Variants in CFAP46 observed in about 807,000 individuals in gnomAD.
CFAP46 encodes the protein cilia and flagella associated protein 46, also known as cilia- and flagella-associated protein 46.
CFAP46 carries 245 observed loss-of-function variants against 325.7 expected under a neutral mutation model. The ratio of observed to expected loss-of-function variants is 0.75; its 90% CI spans 0.68 to 0.84. CFAP46 has a LOEUF of 0.84. Ranked by LOEUF, CFAP46 falls within the 40% of genes least tolerant of loss-of-function variation. CFAP46 has a pLI of 0.00. For missense variants in CFAP46, 3,346 were observed against 3,543.0 expected (o/e 0.94, Z 1.41); for synonymous variants, 1,523 against 1,495.9 (o/e 1.02, Z -0.42).
In CFAP46 at chr10:132,808,532, C is replaced by T. The variant is rs1247062868; in HGVS notation, c.8037G>A (p.Trp2679Ter). 8 of 1,612,972 alleles carry T rather than the reference C, an allele frequency of 5.0e-6. No individual in the cohort carries two copies. Among genetic ancestry groups the T allele is most frequent in the Non-Finnish European group, 6.8e-6 (8 of 1,180,000 alleles). ...CCTGGCCCCGGGAAGAGACGCAGCT[C>T]CAGCCCCGACGCAGACCCCATGGCG... is the stretch of plus-strand genomic sequence containing the variant. ...LCAPWGLRRGWSCVSSRGQDK... is the reference protein window; with the variant it reads ...LCAPWGLRRG Residue 2679 changes from tryptophan to a stop codon, truncating the protein, a stop_gained, in exon 58 of 58, where the codon TGG becomes TGA. Coordinates refer to ENST00000368586, the MANE Select transcript of CFAP46 (RefSeq NM_001200049.3). LOFTEE classifies it low-confidence loss of function (END_TRUNC). The surrounding 1 kb of genome is among the most constrained non-coding windows in gnomAD (Gnocchi z 6.8).
intron 22 of CFAP46, among the ~76,000 whole-genome samples, chr10:132,902,881 G>A (rs1182138038): frequency 6.6e-6 from 1 of 152,272 alleles, no homozygotes; most frequent in East Asian, 1.9e-4. Context: ...CCATTGCTAA[G>A]GTGTGTCTTT....
At chr10:132,842,645 T>C (rs1848364151) in intron 44 of CFAP46, among the ~76,000 whole-genome samples, 2 of 152,238 alleles carry the variant, frequency 1.3e-5, no homozygotes, top group South Asian at 4.1e-4. Context: ...CCATTTCCAG[T>C]TGTTTATAGC....
chr10:132,820,930 T>C (rs1315988368), intron 50 of CFAP46, among the ~76,000 whole-genome samples: 1 of 121,064 alleles, frequency 8.3e-6, no homozygotes, highest in Admixed American at 9.2e-5. Context: ...GTGTGCTGTG[T>C]GTGCGCTGAT....
At chr10:132,890,223 C>T (rs1849235724) in intron 25 of CFAP46, among the ~76,000 whole-genome samples, 1 of 152,198 alleles carries the variant, frequency 6.6e-6, no homozygotes, top group Non-Finnish European at 1.5e-5. Context: ...ACAAAACACC[C>T]TCCACAGCCT....
rs1328103748 is a variant in CFAP46 at position 132,827,766 on chromosome 10, A to G, written c.7117+5592T>C. Among the ~76,000 whole-genome samples the G allele has an allele frequency of 6.6e-6, 1 of 150,742 alleles. No individual in the cohort carries two copies. Among genetic ancestry groups the G allele is most frequent in the Non-Finnish European group, 1.5e-5 (1 of 67,670 alleles). ...CTCCTGCACCCACGACCCTCCCCCA[A>G]CTTCTCCTGCAGCCCCAGCCCCCAC... On this transcript the variant is annotated intron_variant, in intron 50 of 57. Transcript: ENST00000368586. The surrounding 1 kb of genome is among the most constrained non-coding windows in gnomAD (Gnocchi z 5.7).
In CFAP46 at chr10:132,832,399, CCA is replaced by C; in HGVS notation, c.7117+957_7117+958del. ...CCTGGGCTCTTCCTGCCCCCCCCCC[CCA>C]ATGCTGTGGCCTGGAAATTCCCCAG... On this transcript the variant is annotated intron_variant, in intron 50 of 57. Transcript: ENST00000368586. This position sits in a 1 kb window ranked among gnomAD's most constrained non-coding sequence, Gnocchi z 4.1. Among the ~76,000 whole-genome samples the C allele has an allele frequency of 7.6e-6, 1 of 131,166 alleles. No homozygotes were observed. 86.0% of individuals were successfully genotyped at this position (131,166 alleles called of 152,430 possible). A position where few individuals can be genotyped will look rare whatever the true frequency, so the allele number is the denominator to read the frequency against.
intron 50 of CFAP46, among the ~76,000 whole-genome samples, chr10:132,833,011 TGC>T (rs1219286486): frequency 1.3e-5 from 2 of 152,298 alleles, no homozygotes; most frequent in African/African-American, 4.8e-5. Context: ...CTCACTCTGT[TGC>T]CCAGGCTGGA....
intron 16 of CFAP46, among the ~76,000 whole-genome samples, chr10:132,916,917 G>T (rs890001284): frequency 6.6e-6 from 1 of 152,324 alleles, no homozygotes; most frequent in Admixed American, 6.5e-5. Context: ...GGAAGAGAAG[G>T]TCCTTCCAGA....
rs1849135275 is a variant in CFAP46, at chr10:132,886,581, G to C, written c.3305-622C>G. 6.6e-6 allele frequency among the ~76,000 whole-genome samples: 1 copy of C among 152,174 alleles called. No homozygotes were observed. ...GAAGCCAGCAGGGTGGATCCTGGTG[G>C]GATGGAACCCTCAGTGTCTGGGCGA... On this transcript the variant is annotated intron_variant, in intron 25 of 57. Transcript: ENST00000368586. The surrounding 1 kb of genome is among the most constrained non-coding windows in gnomAD (Gnocchi z 5.8).
rs758342829 is a variant in CFAP46, at chr10:132,942,018, G to A, written c.136C>T (p.Pro46Ser). 2 of 1,551,884 alleles carry A rather than the reference G, an allele frequency of 1.3e-6. No homozygotes were observed. ...SEFDPSESFS[P>S]DLFVLCAEQA... ...TCTGCACACAGAACAAACAGGTCTG[G>A]GCTGAAGCTCTCTGAGGGGTCAAAC... Residue 46 changes from proline to serine, a missense_variant, in exon 2 of 58, where the codon CCA (proline) becomes TCA (serine). Transcript: ENST00000368586.
intron 35 of CFAP46, among the ~76,000 whole-genome samples, chr10:132,863,661 C>T (rs986669966): frequency 1.3e-5 from 2 of 151,778 alleles, no homozygotes; most frequent in African/African-American, 2.4e-5. Context: ...GACGTGCACA[C>T]ACCTGTTCTC....
intron 17 of CFAP46, among the ~76,000 whole-genome samples, chr10:132,913,824 C>T (rs1242261747): frequency 3.9e-5 from 6 of 151,990 alleles, no homozygotes; most frequent in Non-Finnish European, 7.4e-5. Context: ...GCGTCTCTGC[C>T]CCACCCCTCC....
At chr10:132,809,076 C>G (rs968104388) in intron 57 of CFAP46, among the ~76,000 whole-genome samples, 172 bp from the exon 58 acceptor site, 1 of 152,140 alleles carries the variant, frequency 6.6e-6, no homozygotes, top group Non-Finnish European at 1.5e-5. Flanking sequence ...GCACCCCTCC[C>G]GCACCGAGGT....
chr10:132,840,729 A>G (rs1432263688), intron 44 of CFAP46, among the ~76,000 whole-genome samples: 1 of 152,232 alleles, frequency 6.6e-6, no homozygotes, highest in Non-Finnish European at 1.5e-5. Flanking sequence ...TTTAATTTCA[A>G]GGTGCCCGTG....
chr10:132,924,657 C>T lies in CFAP46; in HGVS notation c.1256+39G>A, dbSNP rs553935505. ...CTCCTCTGTCTCCTCCTATGCGCCA[C>T]GCCCTCTGTGGAGGACACAGCACAG... On this transcript the variant is annotated intron_variant, in intron 11 of 57. Coordinates refer to ENST00000368586, the MANE Select transcript of CFAP46 (RefSeq NM_001200049.3). The T allele has an allele frequency of 2.9e-4, 411 of 1,425,668 alleles. 1 individual carries two copies. The highest frequency in any genetic ancestry group is 2.4e-3 in the Middle Eastern group (10 of 4,126). The allele number at this position is 1,425,668 out of a possible 1,614,324, so 88.3% of individuals were successfully genotyped here.
Position 132,814,839 on chromosome 10 carries a change from C to T in CFAP46, c.7188+5G>A. The T allele has an allele frequency of 5.6e-6, 9 of 1,614,180 alleles. No individual in the cohort carries two copies. Among genetic ancestry groups the T allele is most frequent in the Non-Finnish European group, 6.8e-6 (8 of 1,180,024 alleles). The stretch of plus-strand genomic sequence containing the variant: ...CCCGATCCCCTATCACAGGCCCCCA[C>T]CCACCTTCCTGCCCTTCTTCGCTAG... On this transcript the variant is annotated splice_donor_5th_base_variant and intron_variant, in intron 51 of 57. Coordinates refer to ENST00000368586, the MANE Select transcript of CFAP46 (RefSeq NM_001200049.3).
rs1433673892 is a variant in CFAP46, at chr10:132,828,970, T to G, written c.7117+4388A>C. The stretch of plus-strand genomic sequence containing the variant: ...CGCCTGCGCTCCACTGTATCAATAC[T>G]GCACCCATGTGACGGGGTCCTGACA... On this transcript the variant is annotated intron_variant, in intron 50 of 57. Coordinates refer to ENST00000368586, the MANE Select transcript of CFAP46 (RefSeq NM_001200049.3). The surrounding 1 kb of genome is among the most constrained non-coding windows in gnomAD (Gnocchi z 4.9). Among the ~76,000 whole-genome samples the G allele has an allele frequency of 6.6e-6, 1 of 152,104 alleles. No individual in the cohort carries two copies. The highest frequency in any genetic ancestry group is 2.4e-5 in the African/African-American group (1 of 41,398).
chr10:132,810,811 G>T, intron 56 of CFAP46, 139 bp downstream of exon 56: 1 of 829,048 alleles, frequency 1.2e-6, no homozygotes, highest in Non-Finnish European at 2.0e-6. Flanking sequence ...CCAACTGCTG[G>T]AACGCATGTG....
At chr10:132,892,722 C>T (rs1028509836) in intron 24 of CFAP46, among the ~76,000 whole-genome samples, 6 of 152,198 alleles carry the variant, frequency 3.9e-5, no homozygotes, top group African/African-American at 1.2e-4. Flanking sequence ...TTGGAGTGCA[C>T]GTTCAGCGCC....
Sources: allele counts gnomAD v4.1 joint callset (sites outside exome capture counted in the v4.1 genomes callset), GRCh38; gene constraint gnomAD v4.1.1; non-coding constraint Gnocchi (gnomAD v3.1); transcripts MANE v1.5; gene names NCBI Gene and HGNC (gene_info 2026-07-23, HGNC 2026-07-21).